Variants in LIX1 observed in about 807,000 individuals in gnomAD.
LIX1 encodes the protein limb and CNS expressed 1.
A neutral mutation model predicts 33.4 loss-of-function variants in LIX1; 24 were observed. The ratio of observed to expected loss-of-function variants is 0.72; its 90% CI spans 0.52 to 1.01. The LOEUF is 1.01. Ranked by LOEUF, LIX1 falls within the 50% of genes least tolerant of loss-of-function variation. The pLI is 0.00. For synonymous variants in LIX1, 124 were observed against 124.0 expected, an observed-to-expected ratio of 1.00 and a Z score of 0.00; for missense variants, 311 against 339.2, an observed-to-expected ratio of 0.92 and a Z score of 0.65.
intron 2 of LIX1, among the ~76,000 whole-genome samples, chr5:97,118,831 C>G (rs1747704560): frequency 6.6e-6 from 1 of 152,084 alleles, no homozygotes; most frequent in South Asian, 2.1e-4. Context: ...GCTGCTTTCT[C>G]TCTCTCTCTC....
At chr5:97,119,545 C>A (rs1362270444) in intron 2 of LIX1, among the ~76,000 whole-genome samples, 1 of 152,098 alleles carries the variant, frequency 6.6e-6, no homozygotes, top group Non-Finnish European at 1.5e-5. Flanking sequence ...CAGCCAACCA[C>A]CCAAACACAT....
intron 1 of LIX1, among the ~76,000 whole-genome samples, chr5:97,126,752 G>A (rs937482853): frequency 6.8e-6 from 1 of 146,172 alleles, no homozygotes; most frequent in Non-Finnish European, 1.5e-5. Flanking sequence ...CCATTCTCCT[G>A]CCTCAGCCTC....
chr5:97,119,829 G>A (rs902960234), intron 2 of LIX1, among the ~76,000 whole-genome samples: 10 of 151,462 alleles, frequency 6.6e-5, no homozygotes, highest in African/African-American at 2.4e-4. Context: ...TGAGATGATA[G>A]GAAAATTTAT....
chr5:97,105,713 G>A (rs543576656), intron 3 of LIX1, among the ~76,000 whole-genome samples: 3 of 152,316 alleles, frequency 2.0e-5, no homozygotes, highest in Admixed American at 6.5e-5. Flanking sequence ...TTTTACTGCC[G>A]TGATTCTTAA....
At chr5:97,126,594 G>A (rs1441136638) in intron 1 of LIX1, among the ~76,000 whole-genome samples, 1 of 150,640 alleles carries the variant, frequency 6.6e-6, no homozygotes, top group Non-Finnish European at 1.5e-5. Context: ...TCATTACAGA[G>A]CTTTTTAATT....
intron 4 of LIX1, chr5:97,102,123 C>G (rs77706291): frequency 6.6e-6 from 1 of 152,198 alleles, no homozygotes; most frequent in East Asian, 1.9e-4. Context: ...TTCCCTCCCA[C>G]GAAGTGAAGG....
chr5:97,132,729 C>T (rs1273989308), intron 1 of LIX1, among the ~76,000 whole-genome samples: 2 of 152,138 alleles, frequency 1.3e-5, no homozygotes, highest in Non-Finnish European at 2.9e-5. Context: ...GTGGCTCCAT[C>T]CATGAAGAGG....
chr5:97,096,968 C>T (rs1746413659), intron 4 of LIX1, 81 bp from the exon 5 acceptor site: 3 of 1,022,732 alleles, frequency 2.9e-6, no homozygotes, highest in African/African-American at 3.2e-5. Flanking sequence ...AACTCTAATT[C>T]CCAAATATAT....
chr5:97,096,770 T>C, intron 5 of LIX1, 40 bp downstream of exon 5: 1 of 1,408,572 alleles, frequency 7.1e-7, no homozygotes, highest in Non-Finnish European at 1.0e-6. Context: ...ACCTGCTGAG[T>C]TCATATAACA....
chr5:97,130,326 C>T (rs533923038), intron 1 of LIX1, among the ~76,000 whole-genome samples: 5 of 152,346 alleles, frequency 3.3e-5, no homozygotes, highest in Admixed American at 6.5e-5. Context: ...AACACATTAT[C>T]TATGGCTTTG....
At chr5:97,130,219 G>T (rs1226342689) in intron 1 of LIX1, among the ~76,000 whole-genome samples, 2 of 152,196 alleles carry the variant, frequency 1.3e-5, no homozygotes, top group East Asian at 1.9e-4. Flanking sequence ...TTGCTGAGGG[G>T]CTTGGTTTCC....
At chr5:97,110,529 A>G (rs778123844) in intron 2 of LIX1, among the ~76,000 whole-genome samples, 9 of 151,998 alleles carry the variant, frequency 5.9e-5, no homozygotes, top group African/African-American at 9.7e-5. Context: ...CCTGCAACCT[A>G]CGCCTCCTGG....
At position 97,125,311 on chromosome 5, in the gene LIX1, TC is replaced by T. The variant is rs558469172; in HGVS notation, c.83-683del. Among the ~76,000 whole-genome samples the T allele has an allele frequency of 2.5e-3, 383 of 152,336 alleles. 6 individuals carry two copies. Among genetic ancestry groups the T allele is most frequent in the African/African-American group, 8.2e-3 (342 of 41,580 alleles). ...ATGACCTGTGATAGCCTGCAGAAGTTCCAGATCAAATTAGATTGGTTTGTTT... is the reference window on the plus strand; with the variant it reads ...ATGACCTGTGATAGCCTGCAGAAGTTCAGATCAAATTAGATTGGTTTGTTT... On this transcript the variant is annotated intron_variant, in intron 1 of 5. Coordinates refer to ENST00000274382, the MANE Select transcript of LIX1 (RefSeq NM_153234.5).
At chr5:97,129,098 C>T (rs368387605) in intron 1 of LIX1, among the ~76,000 whole-genome samples, 1 of 152,158 alleles carries the variant, frequency 6.6e-6, no homozygotes, top group Non-Finnish European at 1.5e-5. Context: ...TCACCCTTCA[C>T]GTTCCTCACT....
In LIX1 at chr5:97,099,092, C is replaced by T. The variant is rs573663184; in HGVS notation, c.484-2205G>A. 1.1e-4 allele frequency among the ~76,000 whole-genome samples: 16 copies of T among 151,894 alleles called. No homozygotes were observed. In the South Asian group the frequency reaches 3.3e-3, roughly 32 times the overall value. ...CTTCTGCCCGCCCCCAGATGGAGAC[C>T]TCCCTGTCTGCACAGGGTCCTCGGT... On this transcript the variant is annotated intron_variant, in intron 4 of 5. Coordinates refer to ENST00000274382, the MANE Select transcript of LIX1 (RefSeq NM_153234.5).
At chr5:97,135,020 T>C (rs1282431219) in intron 1 of LIX1, among the ~76,000 whole-genome samples, 3 of 152,162 alleles carry the variant, frequency 2.0e-5, no homozygotes, top group African/African-American at 7.2e-5. Flanking sequence ...GTTTCTTCTT[T>C]TGTTTGCTTT....
chr5:97,123,596 T>C (rs1253208623), intron 2 of LIX1, among the ~76,000 whole-genome samples: 2 of 152,374 alleles, frequency 1.3e-5, no homozygotes, highest in African/African-American at 4.8e-5. Context: ...ATCTTCATGC[T>C]GTGACCCGAG....
chr5:97,111,717 T>C (rs1214386345), intron 2 of LIX1, among the ~76,000 whole-genome samples: 1 of 152,272 alleles, frequency 6.6e-6, no homozygotes, highest in African/African-American at 2.4e-5. Context: ...AGAGACCTAG[T>C]AAACACTAGT....
intron 4 of LIX1, among the ~76,000 whole-genome samples, chr5:97,104,137 T>A (rs1268096734): frequency 1.3e-5 from 2 of 152,092 alleles, no homozygotes; most frequent in East Asian, 3.8e-4. Context: ...GGAAAGGAGT[T>A]TGAAAGGTAC....
Sources: allele counts gnomAD v4.1 joint callset (sites outside exome capture counted in the v4.1 genomes callset), GRCh38; gene constraint gnomAD v4.1.1; transcripts MANE v1.5; gene names NCBI Gene and HGNC (gene_info 2026-07-23, HGNC 2026-07-21).